The following ANXA8 variants were observed in gnomAD, a reference collection of about 807,000 sequenced individuals.
The protein encoded by ANXA8 is VAC-beta.
ANXA8 carries 9 observed loss-of-function variants against 26.8 expected under a neutral mutation model. That is an observed-to-expected ratio of 0.34 (90% CI 0.20 to 0.59). The LOEUF is 0.59. Ranked by LOEUF, ANXA8 falls within the 20% of genes least tolerant of loss-of-function variation. The probability of loss-of-function intolerance (pLI) is 0.84; values close to 1 mark genes in which losing one functional copy is unlikely to be tolerated. For missense variants in ANXA8, 83 were observed against 238.5 expected, an observed-to-expected ratio of 0.35 and a Z score of 4.29; for synonymous variants, 39 against 94.8, an observed-to-expected ratio of 0.41 and a Z score of 3.42.
intron 6 of ANXA8, among the ~76,000 whole-genome samples, 187 bp downstream of exon 6, chr10:47,475,306 G>C (rs1416360960): frequency 6.6e-6 from 1 of 151,260 alleles, no homozygotes; most frequent in Non-Finnish European, 1.5e-5. Context: ...GGCTGAGTAA[G>C]GACAGGTGTG....
the ANXA8 span, among the ~76,000 whole-genome samples, chr10:47,975,204 G>T: frequency 6.7e-6 from 1 of 149,104 alleles, no homozygotes; most frequent in African/African-American, 2.4e-5. Flanking sequence ...AGCACCAATA[G>T]ATTGGTGGTG....
the ANXA8 span, among the ~76,000 whole-genome samples, chr10:47,703,990 T>C: frequency 1.4e-5 from 2 of 142,498 alleles, no homozygotes; most frequent in Non-Finnish European, 1.6e-5. Context: ...TCTTCATAAG[T>C]GTCAAGGTAA....
chr10:47,702,255 C>A, the ANXA8 span, among the ~76,000 whole-genome samples: 1 of 151,008 alleles, frequency 6.6e-6, no homozygotes, highest in South Asian at 2.1e-4. Context: ...GTCCATTGAG[C>A]GAGCACAGCA....
At chr10:47,656,451 T>C in the ANXA8 span, among the ~76,000 whole-genome samples, 1 of 146,822 alleles carries the variant, frequency 6.8e-6, no homozygotes, top group Admixed American at 6.8e-5. Flanking sequence ...TGGAATTCTC[T>C]ATTGTTTCGA....
At chr10:47,715,532 C>G in the ANXA8 span, 1 of 637,960 alleles carries the variant, frequency 1.6e-6, no homozygotes, top group Admixed American at 2.9e-5. Context: ...TACCCAAATT[C>G]TTTAGTGATA....
the ANXA8 span, chr10:47,565,867 CGAGCTGGCCCCGG>C: frequency 7.5e-7 from 1 of 1,325,148 alleles, no homozygotes; most frequent in Admixed American, 3.3e-5. Context: ...GCTGGTCAGA[CGAGCTGGCCCCGG>C]ATTCGCACTT....
chr10:47,954,031 T>C, the ANXA8 span, among the ~76,000 whole-genome samples: 1 of 150,816 alleles, frequency 6.6e-6, no homozygotes, highest in Non-Finnish European at 1.5e-5. Flanking sequence ...CCAGCAATCC[T>C]ACTGGTAGGT....
chr10:47,702,490 G>A, the ANXA8 span, among the ~76,000 whole-genome samples: 9 of 151,128 alleles, frequency 6.0e-5, no homozygotes, highest in African/African-American at 7.3e-5. Flanking sequence ...ACAGGTACGT[G>A]CCACCACGCC....
At chr10:47,983,303 A>C in the ANXA8 span, among the ~76,000 whole-genome samples, 3,539 of 64,164 alleles carry the variant, frequency 0.055, 813 homozygotes, top group African/African-American at 0.17. Flanking sequence ...TCAAAGCAGC[A>C]TTATTCATAA....
At chr10:47,647,016 CT>C in the ANXA8 span, among the ~76,000 whole-genome samples, 80 of 152,294 alleles carry the variant, frequency 5.3e-4, no homozygotes, top group African/African-American at 1.9e-3. Flanking sequence ...CCAATTTTGG[CT>C]TACGAATATG....
At chr10:47,678,761 G>T in the ANXA8 span, among the ~76,000 whole-genome samples, 1 of 151,438 alleles carries the variant, frequency 6.6e-6, no homozygotes. Flanking sequence ...CGTCTGGGTG[G>T]CCAGGTGGGT....
At chr10:47,491,827 A>C in the ANXA8 span, 3 of 660,092 alleles carry the variant, frequency 4.5e-6, no homozygotes, top group Non-Finnish European at 8.0e-6. Context: ...GGGCGGCAGC[A>C]GGAAGGGGCT....
the ANXA8 span, among the ~76,000 whole-genome samples, chr10:47,552,250 C>T: frequency 1.3e-5 from 2 of 151,752 alleles, no homozygotes; most frequent in African/African-American, 4.8e-5. Context: ...TATATCTGTA[C>T]TTTTCAGCCA....
the ANXA8 span, among the ~76,000 whole-genome samples, chr10:47,944,107 G>C: frequency 6.8e-6 from 1 of 146,456 alleles, no homozygotes; most frequent in African/African-American, 2.6e-5. Flanking sequence ...TACAGTTCTG[G>C]AGGCTGGGAA....
the ANXA8 span, among the ~76,000 whole-genome samples, chr10:47,896,861 T>C: frequency 4.9e-3 from 741 of 152,052 alleles, no homozygotes; most frequent in African/African-American, 0.017. Context: ...AAGTCACAAT[T>C]GAATACCAGC....
chr10:47,581,167 G>A, the ANXA8 span: 1 of 330,374 alleles, frequency 3.0e-6, no homozygotes, highest in Non-Finnish European at 5.9e-6. Flanking sequence ...ATTGCTTCTT[G>A]GCTTTCCTGG....
the ANXA8 span, among the ~76,000 whole-genome samples, chr10:47,650,602 C>T: frequency 1.5e-4 from 22 of 145,836 alleles, no homozygotes; most frequent in East Asian, 1.9e-3. Flanking sequence ...GTCAGGAGAT[C>T]GAGACCATCC....
At chr10:47,714,181 C>A in the ANXA8 span, among the ~76,000 whole-genome samples, 1 of 76,458 alleles carries the variant, frequency 1.3e-5, no homozygotes, top group Non-Finnish European at 2.4e-5. Context: ...CTTGGCTTCT[C>A]TTAGCTTACT....
the ANXA8 span, chr10:47,710,774 TGAGC>T: frequency 1.8e-6 from 1 of 569,390 alleles, no homozygotes; most frequent in Admixed American, 3.2e-5. Context: ...TTAATGTTTA[TGAGC>T]CCAAGATGGA....
Sources: gnomAD v4.1 joint callset for allele counts (sites outside exome capture counted in the v4.1 genomes callset) on GRCh38, gnomAD v4.1.1 for gene constraint, MANE v1.5 for transcripts, NCBI Gene and HGNC (gene_info 2026-07-23, HGNC 2026-07-21) for gene names.